The following FERMT1 variants were observed in gnomAD, a reference collection of about 807,000 sequenced individuals.
The protein encoded by FERMT1 is fermitin family homolog 1.
Under a neutral mutation model 85.3 loss-of-function variants are expected in FERMT1, and 60 were observed. The ratio of observed to expected loss-of-function variants is 0.70; its 90% CI spans 0.57 to 0.87. The LOEUF (loss-of-function observed/expected upper bound fraction) is 0.87, where lower values mean the gene tolerates loss of function less well. Ranked by LOEUF, FERMT1 falls within the 40% of genes least tolerant of loss-of-function variation. The pLI is 0.00. For synonymous variants in FERMT1, 275 were observed against 301.1 expected, an observed-to-expected ratio of 0.91 and a Z score of 0.90; for missense variants, 701 against 818.9, an observed-to-expected ratio of 0.86 and a Z score of 1.76.
intron 1 of FERMT1, among the ~76,000 whole-genome samples, chr20:6,121,682 CAG>C (rs1381080582): frequency 6.6e-6 from 1 of 152,234 alleles, no homozygotes; most frequent in East Asian, 1.9e-4. Flanking sequence ...AACTCAGCCT[CAG>C]AGAGATGAAG....
intron 11 of FERMT1, among the ~76,000 whole-genome samples, chr20:6,086,388 A>C (rs1982186143): frequency 6.6e-6 from 1 of 152,212 alleles, no homozygotes; most frequent in Admixed American, 6.5e-5. Context: ...TTAACAAGTC[A>C]GTGGTGGCTT....
chr20:6,099,091 C>T (rs984756854), intron 6 of FERMT1, among the ~76,000 whole-genome samples: 9 of 152,122 alleles, frequency 5.9e-5, no homozygotes, highest in Admixed American at 1.3e-4. Flanking sequence ...CAATAGAACG[C>T]TATTCAGCCT....
intron 8 of FERMT1, among the ~76,000 whole-genome samples, chr20:6,096,491 T>C (rs1343891305): frequency 6.6e-6 from 1 of 152,156 alleles, no homozygotes; most frequent in Non-Finnish European, 1.5e-5. Context: ...CACTACTGAT[T>C]GTCTCAGAAA....
intron 5 of FERMT1, among the ~76,000 whole-genome samples, chr20:6,108,711 G>A (rs1312762374): frequency 2.0e-5 from 3 of 151,932 alleles, no homozygotes; most frequent in Non-Finnish European, 4.4e-5. Context: ...TTGGGAGGCT[G>A]AGGCAGGCAG....
intron 13 of FERMT1, among the ~76,000 whole-genome samples, chr20:6,082,235 G>A (rs1982016858): frequency 6.6e-6 from 1 of 152,228 alleles, no homozygotes; most frequent in Admixed American, 6.5e-5. Context: ...AAGTTGTTCA[G>A]GCCCACACCA....
At chr20:6,077,432 G>T in intron 14 of FERMT1, 86 bp from the exon 15 acceptor site, 1 of 1,287,930 alleles carries the variant, frequency 7.8e-7, no homozygotes, top group Non-Finnish European at 1.1e-6. Flanking sequence ...CCCTGGAGCT[G>T]AGGGCTGCTG....
intron 11 of FERMT1, 127 bp from the exon 12 acceptor site, chr20:6,085,414 G>C (rs1218927801): frequency 7.7e-5 from 62 of 804,450 alleles, no homozygotes; most frequent in Non-Finnish European, 7.0e-5. Flanking sequence ...ATGTGAAGTG[G>C]CACACGTTGT....
At chr20:6,099,186 T>A (rs1982586628) in intron 6 of FERMT1, among the ~76,000 whole-genome samples, 1 of 152,090 alleles carries the variant, frequency 6.6e-6, no homozygotes, top group African/African-American at 2.4e-5. Context: ...GCAGATCACT[T>A]GAGGTCAGGA....
chr20:6,080,716 A>G lies in FERMT1; in HGVS notation c.1719-1139T>C, dbSNP rs897517922. Reference sequence around the variant, plus strand: ...AGAGCAGAGTCAAGAATGACTCCAAAGGATTTGGCCTGAACATCTAGGGCG... The same window carrying G: ...AGAGCAGAGTCAAGAATGACTCCAAGGGATTTGGCCTGAACATCTAGGGCG... On this transcript the variant is annotated intron_variant, in intron 13 of 14. Transcript: ENST00000217289. Among the ~76,000 whole-genome samples the G allele has an allele frequency of 2.6e-5, 4 of 152,180 alleles. No individual in the cohort carries two copies. In the East Asian group the frequency reaches 7.7e-4, roughly 29 times the overall value.
Position 6,112,627 on chromosome 20 carries a change from G to A in FERMT1, c.386-4C>T. 6.6e-7 allele frequency: 1 copy of A among 1,519,892 alleles called. No individual in the cohort carries two copies. The highest frequency in any genetic ancestry group is 1.2e-5 in the South Asian group (1 of 80,318). The allele number at this position is 1,519,892 out of a possible 1,614,324, so 94.2% of individuals were successfully genotyped here. On this transcript the variant is annotated splice_region_variant and splice_polypyrimidine_tract_variant and intron_variant, in intron 3 of 14. Coordinates refer to ENST00000217289, the MANE Select transcript of FERMT1 (RefSeq NM_017671.5). ...AGCTCTTCTGATCTTCTAATATCTAGAAATAAATATTTTTTAAAAATGAAG... is the reference window on the plus strand; with the variant it reads ...AGCTCTTCTGATCTTCTAATATCTAAAAATAAATATTTTTTAAAAATGAAG...
In FERMT1 at chr20:6,092,652, A is replaced by C. The variant is rs6053902; in HGVS notation, c.1139+2287T>G. On this transcript the variant is annotated intron_variant, in intron 9 of 14. Transcript: ENST00000217289. ...ACCCCATGCAAGGATGAACTTCCTT[A>C]CTGCTTTCTTTGGCTAATGGGTAGT... 1.5e-3 allele frequency among the ~76,000 whole-genome samples: 236 copies of C among 152,298 alleles called. 2 individuals carry two copies. Among genetic ancestry groups the C allele is most frequent in the African/African-American group, 5.5e-3 (227 of 41,578 alleles).
Position 6,090,463 on chromosome 20 carries a change from T to TA in FERMT1, c.1140-1375dup, listed in dbSNP as rs902564966. ...CAAAGATAGGAAAGAAGTTGCACATTAAAAAAAAAAAGTATATGCTGGGTG... is the reference window on the plus strand; with the variant it reads ...CAAAGATAGGAAAGAAGTTGCACATTAAAAAAAAAAAAGTATATGCTGGGTG... On this transcript the variant is annotated intron_variant, in intron 9 of 14. Coordinates refer to ENST00000217289, the MANE Select transcript of FERMT1 (RefSeq NM_017671.5). Among the ~76,000 whole-genome samples the TA allele has an allele frequency of 5.9e-3, 867 of 146,362 alleles. 8 individuals carry two copies. Among genetic ancestry groups the TA allele is most frequent in the African/African-American group, 0.019 (783 of 40,222 alleles).
At chr20:6,110,546 GAATCC>G in intron 4 of FERMT1, 35 bp from the exon 5 acceptor site, 1 of 1,452,036 alleles carries the variant, frequency 6.9e-7, no homozygotes, top group Non-Finnish European at 9.7e-7. Context: ...TATGATATGA[GAATCC>G]AGGGATATAA....
chr20:6,079,664 C>G, intron 13 of FERMT1, 87 bp from the exon 14 acceptor site: 1 of 1,246,076 alleles, frequency 8.0e-7, no homozygotes, highest in Non-Finnish European at 1.2e-6. Context: ...AAAAATACTA[C>G]CAGTATTTCT....
At chr20:6,111,482 A>T (rs1982947982) in intron 4 of FERMT1, among the ~76,000 whole-genome samples, 1 of 152,110 alleles carries the variant, frequency 6.6e-6, no homozygotes, top group South Asian at 2.1e-4. Flanking sequence ...AAATACAAAA[A>T]TTAGCCAAGT....
chr20:6,114,312 A>C (rs1600448477), intron 3 of FERMT1, among the ~76,000 whole-genome samples: 1 of 152,354 alleles, frequency 6.6e-6, no homozygotes, highest in Middle Eastern at 3.4e-3. Context: ...TCTGTTCTTC[A>C]AGGGAAAAAC....
intron 12 of FERMT1, 112 bp from the exon 13 acceptor site, chr20:6,084,276 C>T: frequency 2.6e-6 from 3 of 1,160,446 alleles, no homozygotes; most frequent in Non-Finnish European, 2.5e-6. Context: ...GTCTGCAGCT[C>T]TACAAAGACA....
chr20:6,090,601 A>C (rs1982329421), intron 9 of FERMT1, among the ~76,000 whole-genome samples: 1 of 152,110 alleles, frequency 6.6e-6, no homozygotes, highest in Non-Finnish European at 1.5e-5. Context: ...CAAAAAAAGA[A>C]AAATTAGCCA....
At chr20:6,082,523 A>AT (rs1343004994) in intron 13 of FERMT1, among the ~76,000 whole-genome samples, 1 of 152,228 alleles carries the variant, frequency 6.6e-6, no homozygotes, top group African/African-American at 2.4e-5. Flanking sequence ...CATAGTGGGT[A>AT]TCCAGTACGA....
Sources: gnomAD v4.1 joint callset for allele counts (sites outside exome capture counted in the v4.1 genomes callset) on GRCh38, gnomAD v4.1.1 for gene constraint, MANE v1.5 for transcripts, NCBI Gene and HGNC (gene_info 2026-07-23, HGNC 2026-07-21) for gene names.